The following IKBKB-DT variants were observed in gnomAD, a reference collection of about 807,000 sequenced individuals.
The protein encoded by IKBKB-DT is IKBKB divergent transcript, also known as IKBKB antisense RNA.
At chr8:42,264,852 C>A (rs1807348966) in intron 2 of IKBKB-DT, among the ~76,000 whole-genome samples, 1 of 149,962 alleles carries the variant, frequency 6.7e-6, no homozygotes, top group South Asian at 2.1e-4. Flanking sequence ...AGCCACCATG[C>A]CGGGCCTTAA....
intron 3 of IKBKB-DT, among the ~76,000 whole-genome samples, chr8:42,237,600 C>T (rs58947616): frequency 0.16 from 24,879 of 151,912 alleles, 4,326 homozygotes; most frequent in African/African-American, 0.44. Flanking sequence ...CCTTGCCAAA[C>T]GTCGAAGAAA....
intron 3 of IKBKB-DT, among the ~76,000 whole-genome samples, chr8:42,236,658 G>A (rs1806927519): frequency 6.6e-6 from 1 of 152,192 alleles, no homozygotes; most frequent in Non-Finnish European, 1.5e-5. Context: ...TTGGGAGGCT[G>A]AGACAGGAGA....
chr8:42,254,737 G>A (rs541428593), intron 3 of IKBKB-DT, among the ~76,000 whole-genome samples: 11 of 137,078 alleles, frequency 8.0e-5, no homozygotes, highest in South Asian at 4.9e-4. Context: ...GCTTCCCACC[G>A]TCTGGGAAGT....
At chr8:42,263,838 T>C (rs1384600453) in intron 2 of IKBKB-DT, among the ~76,000 whole-genome samples, 1 of 152,068 alleles carries the variant, frequency 6.6e-6, no homozygotes, top group Non-Finnish European at 1.5e-5. Context: ...TGAGATGGAG[T>C]TTCATTCCTG....
chr8:42,235,695 A>C (rs974325555), intron 3 of IKBKB-DT, among the ~76,000 whole-genome samples: 2 of 152,168 alleles, frequency 1.3e-5, no homozygotes, highest in Admixed American at 6.6e-5. Flanking sequence ...CCTAACCTCC[A>C]AGCCTCTGGG....
chr8:42,234,922 G>C (rs1022707714), intron 3 of IKBKB-DT, among the ~76,000 whole-genome samples: 1 of 152,014 alleles, frequency 6.6e-6, no homozygotes, highest in Non-Finnish European at 1.5e-5. Flanking sequence ...GAGCAACTGC[G>C]CTGGCCTATT....
intron 3 of IKBKB-DT, among the ~76,000 whole-genome samples, chr8:42,262,726 A>G (rs1215008047): frequency 6.6e-6 from 1 of 151,284 alleles, no homozygotes; most frequent in Non-Finnish European, 1.5e-5. Context: ...GGCATGAGCC[A>G]CCATGCCTGG....
chr8:42,263,222 A>T (rs113473225), intron 3 of IKBKB-DT: 4,795 of 152,168 alleles, frequency 0.032, 104 homozygotes, highest in Non-Finnish European at 0.042. Context: ...CATCTTGCCC[A>T]GGCTGGTCCC....
chr8:42,237,212 G>T (rs889044435), intron 3 of IKBKB-DT, among the ~76,000 whole-genome samples: 1 of 151,728 alleles, frequency 6.6e-6, no homozygotes, highest in Admixed American at 6.6e-5. Flanking sequence ...TTAGCCTCCC[G>T]AGTAGCTGGG....
chr8:42,248,808 C>A (rs543097516), intron 3 of IKBKB-DT, among the ~76,000 whole-genome samples: 12 of 146,050 alleles, frequency 8.2e-5, no homozygotes, highest in African/African-American at 3.1e-4. Context: ...ACCCAGGAGG[C>A]GGAGGTTACA....
At chr8:42,265,743 T>G (rs1320928473) in exon 2 of IKBKB-DT, 1 of 152,236 alleles carries the variant, frequency 6.6e-6, no homozygotes, top group Non-Finnish European at 1.5e-5. Flanking sequence ...AACGTGTGTG[T>G]AAAAGTAAAG....
intron 3 of IKBKB-DT, among the ~76,000 whole-genome samples, chr8:42,249,874 C>T (rs180937985): frequency 4.0e-5 from 6 of 151,670 alleles, no homozygotes; most frequent in East Asian, 1.9e-4. Flanking sequence ...CTCAGGAGTT[C>T]GAGACCAGCT....
intron 3 of IKBKB-DT, among the ~76,000 whole-genome samples, chr8:42,249,839 G>A (rs906995064): frequency 1.3e-5 from 2 of 152,052 alleles, no homozygotes; most frequent in African/African-American, 4.8e-5. Flanking sequence ...CACTTTGGGA[G>A]GTGGAGGTAG....
At chr8:42,255,840 A>G (rs1310675271) in intron 3 of IKBKB-DT, among the ~76,000 whole-genome samples, 3 of 152,068 alleles carry the variant, frequency 2.0e-5, no homozygotes, top group Non-Finnish European at 4.4e-5. Flanking sequence ...CCTGGCCAAC[A>G]GAGTGAAACC....
chr8:42,242,369 T>C (rs1807014919), intron 3 of IKBKB-DT, among the ~76,000 whole-genome samples: 1 of 152,180 alleles, frequency 6.6e-6, no homozygotes, highest in African/African-American at 2.4e-5. Context: ...GTTTAGATGC[T>C]GTTATTAGCA....
At chr8:42,267,919 G>A (rs1807396398) in intron 1 of IKBKB-DT, among the ~76,000 whole-genome samples, 2 of 152,108 alleles carry the variant, frequency 1.3e-5, no homozygotes, top group South Asian at 2.1e-4. Flanking sequence ...AGAGATTTAT[G>A]TTCAGTTGAA....
intron 3 of IKBKB-DT, among the ~76,000 whole-genome samples, chr8:42,242,205 A>G (rs1226976625): frequency 6.6e-6 from 1 of 152,170 alleles, no homozygotes; most frequent in East Asian, 1.9e-4. Flanking sequence ...ACAAAGCAAG[A>G]CTCCATCTCA....
chr8:42,262,425 C>CA (rs1322805661), intron 3 of IKBKB-DT, among the ~76,000 whole-genome samples: 5 of 125,460 alleles, frequency 4.0e-5, no homozygotes, highest in African/African-American at 1.8e-4. Flanking sequence ...CTACCACATT[C>CA]TTTTATTTAT....
chr8:42,258,729 A>G (rs1037205406), intron 3 of IKBKB-DT, among the ~76,000 whole-genome samples: 4 of 152,070 alleles, frequency 2.6e-5, no homozygotes, highest in African/African-American at 9.7e-5. Context: ...CGGCCTCCCA[A>G]AGTGCTGGAA....
Sources: allele counts gnomAD v4.1 joint callset (sites outside exome capture counted in the v4.1 genomes callset), GRCh38; gene constraint gnomAD v4.1.1; transcripts MANE v1.5; gene names NCBI Gene and HGNC (gene_info 2026-07-23, HGNC 2026-07-21).